Variants in UBR3 observed in about 807,000 individuals in gnomAD.
UBR3 encodes E3 ubiquitin-protein ligase UBR3.
UBR3 carries 85 observed loss-of-function variants against 243.2 expected under a neutral mutation model. The ratio of observed to expected loss-of-function variants is 0.35; its 90% CI spans 0.29 to 0.42. The LOEUF is 0.42. Ranked by LOEUF, UBR3 falls within the 10% of genes least tolerant of loss-of-function variation. UBR3 has a pLI of 1.00. For synonymous variants in UBR3, 748 were observed against 799.8 expected (o/e 0.94, Z 1.09); for missense variants, 1,686 against 2,300.8 (o/e 0.73, Z 5.47).
intron 5 of UBR3, among the ~76,000 whole-genome samples, chr2:169,888,935 T>C (rs962584854): frequency 1.8e-4 from 27 of 152,198 alleles, no homozygotes; most frequent in African/African-American, 6.3e-4. Flanking sequence ...TTTGCCATTA[T>C]AAATAACATT....
chr2:169,854,180 G>A (rs1267030339), intron 1 of UBR3, among the ~76,000 whole-genome samples: 1 of 151,908 alleles, frequency 6.6e-6, no homozygotes, highest in Non-Finnish European at 1.5e-5. Flanking sequence ...AGAATTTAAA[G>A]TATTTAAAAA....
At chr2:169,870,488 C>T (rs774842012) in intron 1 of UBR3, among the ~76,000 whole-genome samples, 3 of 151,848 alleles carry the variant, frequency 2.0e-5, no homozygotes, top group Admixed American at 6.6e-5. Flanking sequence ...TAATTTTATA[C>T]TGTGCTTTAA....
intron 19 of UBR3, among the ~76,000 whole-genome samples, chr2:169,934,465 A>G (rs974486301): frequency 5.9e-5 from 9 of 152,228 alleles, no homozygotes; most frequent in Non-Finnish European, 1.0e-4. Context: ...TTAACAGTAC[A>G]TATTTATTGA....
chr2:169,841,851 C>T (rs1323325038), intron 1 of UBR3, among the ~76,000 whole-genome samples: 2 of 152,252 alleles, frequency 1.3e-5, no homozygotes, highest in African/African-American at 4.8e-5. Context: ...CTGAGCTTCC[C>T]CGACGAGCAC....
chr2:170,053,466 C>G (rs998063064), intron 32 of UBR3, among the ~76,000 whole-genome samples: 8 of 152,212 alleles, frequency 5.3e-5, no homozygotes, highest in Non-Finnish European at 1.2e-4. Flanking sequence ...GAAGTTTCCT[C>G]TGGACTTCAC....
At chr2:170,018,876 T>C (rs1355673688) in intron 30 of UBR3, among the ~76,000 whole-genome samples, 1 of 152,222 alleles carries the variant, frequency 6.6e-6, no homozygotes, top group African/African-American at 2.4e-5. Flanking sequence ...AAAGTAAATA[T>C]GACACTCCAT....
chr2:169,860,162 T>C (rs2083039932), intron 1 of UBR3, among the ~76,000 whole-genome samples: 2 of 152,226 alleles, frequency 1.3e-5, no homozygotes, highest in African/African-American at 4.8e-5. Flanking sequence ...TTTGGGTCTA[T>C]GTCTGTTAAT....
At chr2:169,884,142 T>C (rs1303214344) in intron 5 of UBR3, among the ~76,000 whole-genome samples, 1 of 150,734 alleles carries the variant, frequency 6.6e-6, no homozygotes, top group African/African-American at 2.4e-5. Context: ...CTGTAAGGTA[T>C]TTTGGAGAGC....
intron 30 of UBR3, chr2:170,016,855 C>T (rs2090251072): frequency 1.2e-6 from 1 of 850,944 alleles, no homozygotes; most frequent in South Asian, 3.0e-5. Flanking sequence ...TTATTTTTCC[C>T]TTTACTAAAT....
At chr2:169,927,148 G>A (rs2085940010) in intron 16 of UBR3, among the ~76,000 whole-genome samples, 172 bp from the exon 17 acceptor site, 2 of 152,184 alleles carry the variant, frequency 1.3e-5, no homozygotes, top group African/African-American at 2.4e-5. Context: ...CTTTGCTTAA[G>A]GGAACTGCAA....
chr2:170,019,416 G>A (rs1450686519), intron 30 of UBR3, among the ~76,000 whole-genome samples: 1 of 152,188 alleles, frequency 6.6e-6, no homozygotes, highest in Non-Finnish European at 1.5e-5. Context: ...AGGTGCGGTG[G>A]CTCACTCATG....
chr2:170,003,879 A>G (rs1224813483), intron 27 of UBR3, among the ~76,000 whole-genome samples: 1 of 152,094 alleles, frequency 6.6e-6, no homozygotes, highest in Non-Finnish European at 1.5e-5. Flanking sequence ...TGACCTCGTG[A>G]TCCATCCGCC....
In UBR3 at chr2:170,020,752, CTTTTCT is replaced by C. The variant is rs1456697957; in HGVS notation, c.4453+5390_4453+5395del. Among the ~76,000 whole-genome samples, 5 of 152,122 alleles carry C rather than the reference CTTTTCT, an allele frequency of 3.3e-5. No homozygotes were observed. The East Asian group carries it at 9.6e-4, about 29-fold the overall frequency. ...ATCAAAGCTTGGAGTTTTTGTTTTT[CTTTTCT>C]TTTGATACATCTTACAAATTCAGAA... is the stretch of plus-strand genomic sequence containing the variant. On this transcript the variant is annotated intron_variant, in intron 30 of 38. Coordinates refer to ENST00000272793, the MANE Select transcript of UBR3 (RefSeq NM_172070.4).
intron 30 of UBR3, among the ~76,000 whole-genome samples, chr2:170,026,377 C>T (rs1186862517): frequency 6.6e-6 from 1 of 151,900 alleles, no homozygotes; most frequent in Non-Finnish European, 1.5e-5. Context: ...TTTGTACAAA[C>T]CATGTATGTA....
At chr2:169,949,236 T>C (rs1359004648) in intron 22 of UBR3, among the ~76,000 whole-genome samples, 2 of 152,114 alleles carry the variant, frequency 1.3e-5, no homozygotes, top group African/African-American at 4.8e-5. Flanking sequence ...CAGAAGTTAG[T>C]AAGGAGTATC....
intron 5 of UBR3, among the ~76,000 whole-genome samples, chr2:169,884,177 A>T (rs2084001771): frequency 7.1e-6 from 1 of 140,094 alleles, no homozygotes; most frequent in Non-Finnish European, 1.5e-5. Flanking sequence ...TTTTTTTGAG[A>T]CGGAGTCTTG....
chr2:169,842,275 CTG>C (rs1475378098), intron 1 of UBR3, among the ~76,000 whole-genome samples: 3 of 152,110 alleles, frequency 2.0e-5, no homozygotes, highest in African/African-American at 7.2e-5. Flanking sequence ...TGTCGAAACT[CTG>C]TATCTAACTA....
At chr2:169,953,745 ACT>A (rs1415109848) in intron 23 of UBR3, among the ~76,000 whole-genome samples, 1 of 152,158 alleles carries the variant, frequency 6.6e-6, no homozygotes, top group Non-Finnish European at 1.5e-5. Context: ...TAAAAAGTAC[ACT>A]CTATGGACAT....
At chr2:169,893,474 T>A (rs925317955) in intron 6 of UBR3, among the ~76,000 whole-genome samples, 13 of 152,194 alleles carry the variant, frequency 8.5e-5, no homozygotes, top group Admixed American at 3.3e-4. Flanking sequence ...GAGCTTTCAT[T>A]TTGGTAGTCT....
Sources: allele counts gnomAD v4.1 joint callset (sites outside exome capture counted in the v4.1 genomes callset), GRCh38; gene constraint gnomAD v4.1.1; transcripts MANE v1.5; gene names NCBI Gene and HGNC (gene_info 2026-07-23, HGNC 2026-07-21).